The following LUM variants were observed in gnomAD, a reference collection of about 807,000 sequenced individuals.
LUM encodes the protein lumican.
LUM carries 13 observed loss-of-function variants against 20.5 expected under a neutral mutation model. The ratio of observed to expected loss-of-function variants is 0.63; its 90% confidence interval spans 0.41 to 1.01. The LOEUF is 1.01. Among genes scored for constraint, LUM ranks in the 50% least tolerant of loss-of-function variants. The pLI, the probability that LUM is intolerant of heterozygous loss-of-function variation, is 0.00. For missense variants in LUM, 321 were observed against 391.1 expected, an observed-to-expected ratio of 0.82 and a Z score of 1.51; for synonymous variants, 173 against 151.5, an observed-to-expected ratio of 1.14 and a Z score of -1.04.
intron 2 of LUM, among the ~76,000 whole-genome samples, chr12:91,106,199 T>C (rs1880028849): frequency 6.6e-6 from 1 of 152,214 alleles, no homozygotes; most frequent in Admixed American, 6.5e-5. Context: ...AGAGGTTATA[T>C]GAAACTGGCA....
chr12:91,103,233 C>A lies in LUM; in HGVS notation c.*932G>T, dbSNP rs1879947696. On this transcript the variant is annotated 3_prime_UTR_variant, in exon 3 of 3. Coordinates refer to ENST00000266718, the MANE Select transcript of LUM (RefSeq NM_002345.4). ...TGAGTTATCCACCATTTCTTGACAA[C>A]CAAGGAGTGAGTGCTGAGATCACAT... 2.0e-5 allele frequency: 3 copies of A among 152,082 alleles called. No homozygotes were observed. In the South Asian group the frequency reaches 6.2e-4, roughly 32 times the overall value. 9.4% of individuals were successfully genotyped at this position (152,082 alleles called of 1,614,324 possible). A position where few individuals can be genotyped will look rare whatever the true frequency, so the allele number is the denominator to read the frequency against.
Position 91,103,131 on chromosome 12 carries a change from A to C in LUM, c.*1034T>G, listed in dbSNP as rs1022164873. 1.3e-5 allele frequency: 2 copies of C among 152,104 alleles called. No homozygotes were observed. The highest frequency in any genetic ancestry group is 4.8e-5 in the African/African-American group (2 of 41,452). 9.4% of individuals were successfully genotyped at this position (152,104 alleles called of 1,614,324 possible). ...TATGAACTCAAAACCTATGATCCAG[A>C]CATATTGGCTTCAAGCTAAAATGAT... On this transcript the variant is annotated 3_prime_UTR_variant, in exon 3 of 3. Coordinates refer to ENST00000266718, the MANE Select transcript of LUM (RefSeq NM_002345.4).
At chr12:91,107,187 A>T (rs1880058226) in intron 2 of LUM, among the ~76,000 whole-genome samples, 1 of 70,142 alleles carries the variant, frequency 1.4e-5, no homozygotes, top group Admixed American at 2.1e-4. Flanking sequence ...GAAAGAAAGA[A>T]AGAAGGAAAG....
chr12:91,107,784 C>T (rs181894639), intron 2 of LUM, among the ~76,000 whole-genome samples: 159 of 151,948 alleles, frequency 1.0e-3, no homozygotes, highest in Middle Eastern at 3.4e-3. Context: ...GGCACGATCT[C>T]GGCTCACTGC....
intron 1 of LUM, 78 bp from the exon 2 acceptor site, chr12:91,109,078 T>C: frequency 2.9e-6 from 3 of 1,041,114 alleles, no homozygotes; most frequent in Non-Finnish European, 4.2e-6. Context: ...CAACATTAAA[T>C]TCATTAGAAA....
intron 1 of LUM, among the ~76,000 whole-genome samples, chr12:91,110,276 T>C (rs1880175430): frequency 6.6e-6 from 1 of 152,166 alleles, no homozygotes; most frequent in Admixed American, 6.6e-5. Flanking sequence ...ATCAAAGTAG[T>C]TTGGGATAAG....
chr12:91,111,345 A>G (rs983288696), intron 1 of LUM, 53 bp downstream of exon 1: 1 of 152,236 alleles, frequency 6.6e-6, no homozygotes, highest in African/African-American at 2.4e-5. Flanking sequence ...GTTACAAAAA[A>G]CGCTGTCCCA....
chr12:91,107,210 A>G (rs1880062922), intron 2 of LUM, among the ~76,000 whole-genome samples: 1 of 144,416 alleles, frequency 6.9e-6, no homozygotes, highest in Non-Finnish European at 1.5e-5. Context: ...AAAGAAAGAA[A>G]GAAAGAGAGA....
In LUM at chr12:91,108,119, C is replaced by T. The variant is rs1306094890; in HGVS notation, c.861G>A (p.Glu287=). 9 of 1,613,844 alleles carry T rather than the reference C, an allele frequency of 5.6e-6. No homozygotes were observed. Among genetic ancestry groups the T allele is most frequent in the Non-Finnish European group, 7.6e-6 (9 of 1,179,962 alleles). Residue 287 remains glutamate (E), a splice_region_variant and synonymous_variant, in exon 2 of 3, where the codon GAG becomes GAA. Coordinates refer to ENST00000266718, the MANE Select transcript of LUM (RefSeq NM_002345.4). The surrounding 1 kb of genome is among the most constrained non-coding windows in gnomAD (Gnocchi z 4.2). ...ACACAGGAACAGCTTTTTACTTACT[C>T]TCAAGTTGATTGACCTCCAGGTAAT... ...ENYYLEVNQL[E]KFDIKSFCKI...
At chr12:91,107,260 A>C (rs1330417187) in intron 2 of LUM, among the ~76,000 whole-genome samples, 4 of 48,942 alleles carry the variant, frequency 8.2e-5, no homozygotes, top group African/African-American at 2.3e-4. Flanking sequence ...AGAAAGAAAG[A>C]AAGAAAGAAA....
chr12:91,109,271 A>G (rs1880150945), intron 1 of LUM, among the ~76,000 whole-genome samples: 1 of 133,852 alleles, frequency 7.5e-6, no homozygotes, highest in Non-Finnish European at 1.6e-5. Flanking sequence ...GTCAATCTCC[A>G]GGCTCTTCCT....
At chr12:91,107,230 GA>G (rs1158280667) in intron 2 of LUM, among the ~76,000 whole-genome samples, 1,728 of 61,826 alleles carry the variant, frequency 0.028, 11 homozygotes, top group Middle Eastern at 0.047. Context: ...AAAGAAGAAA[GA>G]AAGAAAGGAA....
chr12:91,107,238 G>GAAA (rs1880067676), intron 2 of LUM, among the ~76,000 whole-genome samples: 1 of 67,298 alleles, frequency 1.5e-5, no homozygotes, highest in African/African-American at 5.3e-5. Flanking sequence ...AAGAAAGAAA[G>GAAA]GAAAGAAAGA....
At chr12:91,107,237 AG>A (rs1220351014) in intron 2 of LUM, among the ~76,000 whole-genome samples, 1,955 of 45,810 alleles carry the variant, frequency 0.043, 16 homozygotes, top group Middle Eastern at 0.066. Flanking sequence ...AAAGAAAGAA[AG>A]GAAAGAAAGA....
rs566255878 is a variant in LUM, at chr12:91,102,654, G to A, written c.*1511C>T. On this transcript the variant is annotated 3_prime_UTR_variant, in exon 3 of 3. Transcript: ENST00000266718. ...TTCATCTACATTATAGTTTTATCGA[G>A]AAAAAGTAGATTTCAAGTTTAAACC... 6.6e-6 allele frequency: 1 copy of A among 152,142 alleles called. No individual in the cohort carries two copies. Among genetic ancestry groups the A allele is most frequent in the South Asian group, 2.1e-4 (1 of 4,830 alleles). 9.4% of individuals were successfully genotyped at this position (152,142 alleles called of 1,614,324 possible). A position where few individuals can be genotyped will look rare whatever the true frequency, so the allele number is the denominator to read the frequency against.
intron 2 of LUM, among the ~76,000 whole-genome samples, chr12:91,107,287 G>GAAAGAGAAAGAAAGAAAGAA (rs1426004605): frequency 1.6e-5 from 1 of 61,296 alleles, no homozygotes; most frequent in African/African-American, 7.5e-5. Flanking sequence ...AAGAAAGAAA[G>GAAAGAGAAAGAAAGAAAGAA]AGAAAGAAAG....
intron 2 of LUM, 103 bp from the exon 3 acceptor site, chr12:91,104,422 C>A (rs17018718): frequency 1.3e-6 from 1 of 782,786 alleles, no homozygotes; most frequent in Non-Finnish European, 2.0e-6. Flanking sequence ...GACCTCTTCC[C>A]ATTTAGAAAA....
intron 2 of LUM, among the ~76,000 whole-genome samples, chr12:91,107,323 A>AAG (rs1565758543): frequency 1.3e-4 from 18 of 143,678 alleles, no homozygotes; most frequent in African/African-American, 4.6e-4. Flanking sequence ...GAAAGAAAGA[A>AAG]AGAAAGAAAG....
intron 2 of LUM, 129 bp downstream of exon 2, chr12:91,107,989 A>T: frequency 9.4e-7 from 1 of 1,066,126 alleles, no homozygotes; most frequent in Non-Finnish European, 1.4e-6. Context: ...CTGGATTTAC[A>T]GGAATGAGCC....
Sources: gnomAD v4.1 joint callset for allele counts (sites outside exome capture counted in the v4.1 genomes callset) on GRCh38, gnomAD v4.1.1 for gene constraint, Gnocchi (gnomAD v3.1) non-coding constraint, MANE v1.5 for transcripts, NCBI Gene and HGNC (gene_info 2026-07-23, HGNC 2026-07-21) for gene names.